PPP3R1: variants seen among roughly 807,000 people sequenced by gnomAD.
PPP3R1 encodes calcineurin subunit B type 1.
In PPP3R1, 5 loss-of-function variants were observed where a neutral mutation model predicts 22.6. That is an observed-to-expected ratio of 0.22 (90% CI 0.12 to 0.46). The LOEUF (loss-of-function observed/expected upper bound fraction) is 0.46, where lower values mean the gene tolerates loss of function less well. PPP3R1 is among the 20% of genes least tolerant of loss of function. The pLI, the probability that PPP3R1 is intolerant of heterozygous loss-of-function variation, is 0.99. For missense variants in PPP3R1, 61 were observed against 203.2 expected (o/e 0.30, Z 4.25); for synonymous variants, 56 against 65.2 (o/e 0.86, Z 0.68).
chr2:68,217,289 A>G (rs778533795), intron 1 of PPP3R1, among the ~76,000 whole-genome samples, 158 bp from the exon 2 acceptor site: 32 of 152,132 alleles, frequency 2.1e-4, no homozygotes, highest in Non-Finnish European at 4.3e-4. Context: ...AAAAAATAAG[A>G]AAACAAATGA....
intron 1 of PPP3R1, among the ~76,000 whole-genome samples, chr2:68,245,322 A>G (rs1042135570): frequency 7.2e-5 from 11 of 152,108 alleles, no homozygotes; most frequent in African/African-American, 2.7e-4. Context: ...AGATCGCACC[A>G]CCGCACTCCA....
chr2:68,179,850 T>A lies in PPP3R1; in HGVS notation c.*1113A>T, dbSNP rs1361843640. Reference sequence around the variant, plus strand: ...GTGGCATATAGATTAGCAAGATTTCTCACACTTAAACCACAAATATATGTG... The same window carrying A: ...GTGGCATATAGATTAGCAAGATTTCACACACTTAAACCACAAATATATGTG... On this transcript the variant is annotated 3_prime_UTR_variant, in exon 6 of 6. Coordinates refer to ENST00000234310, the MANE Select transcript of PPP3R1 (RefSeq NM_000945.4). 1 of 152,234 alleles carries A rather than the reference T, an allele frequency of 6.6e-6. No individual in the cohort carries two copies. Among genetic ancestry groups the A allele is most frequent in the Non-Finnish European group, 1.5e-5 (1 of 68,036 alleles). 9.4% of individuals were successfully genotyped at this position (152,234 alleles called of 1,614,324 possible).
intron 2 of PPP3R1, among the ~76,000 whole-genome samples, chr2:68,208,670 C>G (rs537861398): frequency 6.6e-6 from 1 of 152,292 alleles, no homozygotes; most frequent in South Asian, 2.1e-4. Flanking sequence ...TACAGTGGCT[C>G]ATGCCTGTAA....
Position 68,187,319 on chromosome 2 carries a change from A to AT in PPP3R1, c.221-6dup. ...GAGAGACGCCCTCAATGAATTCTGA[A>AT]TAAGAGTTAAAAATGTTCACAAATC... On this transcript the variant is annotated splice_region_variant and splice_polypyrimidine_tract_variant and intron_variant, in intron 3 of 5. Coordinates refer to ENST00000234310, the MANE Select transcript of PPP3R1 (RefSeq NM_000945.4). 1 of 1,607,264 alleles carries AT rather than the reference A, an allele frequency of 6.2e-7. No individual in the cohort carries two copies. The highest frequency in any genetic ancestry group is 8.5e-7 in the Non-Finnish European group (1 of 1,176,166).
At chr2:68,223,469 A>G (rs1051994278) in intron 1 of PPP3R1, among the ~76,000 whole-genome samples, 1 of 152,218 alleles carries the variant, frequency 6.6e-6, no homozygotes, top group Non-Finnish European at 1.5e-5. Flanking sequence ...ATCCTTAAAA[A>G]TATCTTAGCA....
intron 2 of PPP3R1, among the ~76,000 whole-genome samples, chr2:68,211,064 G>C (rs1008211302): frequency 6.6e-6 from 1 of 152,106 alleles, no homozygotes; most frequent in Non-Finnish European, 1.5e-5. Context: ...TCTACAAAGT[G>C]TGCAATAACA....
chr2:68,214,780 T>C (rs913483101), intron 2 of PPP3R1, among the ~76,000 whole-genome samples: 3 of 152,220 alleles, frequency 2.0e-5, no homozygotes, highest in South Asian at 2.1e-4. Context: ...TTACTGGGTA[T>C]ATATCCTAAT....
In PPP3R1 at chr2:68,185,229, AAAAG is replaced by A. The variant is rs972060558; in HGVS notation, c.465+1235_465+1238del. On this transcript the variant is annotated intron_variant, in intron 5 of 5. Coordinates refer to ENST00000234310, the MANE Select transcript of PPP3R1 (RefSeq NM_000945.4). ...TGAGACTCCGTTTCAAAAAAAAAAAAAAAGAAAGCTTAAAAATAAACTAAAATAA... is the reference window on the plus strand; with the variant it reads ...TGAGACTCCGTTTCAAAAAAAAAAAAAAAGCTTAAAAATAAACTAAAATAA... Among the ~76,000 whole-genome samples, 4 of 151,052 alleles carry A rather than the reference AAAAG, an allele frequency of 2.6e-5. No individual in the cohort carries two copies. In the East Asian group the frequency reaches 5.8e-4, roughly 22 times the overall value.
intron 1 of PPP3R1, among the ~76,000 whole-genome samples, chr2:68,250,686 G>C (rs747092952): frequency 3.3e-5 from 5 of 152,158 alleles, no homozygotes; most frequent in Admixed American, 6.5e-5. Context: ...GAGCTGCCTC[G>C]CAAGTTGGCA....
chr2:68,181,816 A>G (rs1013665103), intron 5 of PPP3R1, among the ~76,000 whole-genome samples: 4 of 152,170 alleles, frequency 2.6e-5, no homozygotes, highest in Non-Finnish European at 5.9e-5. Flanking sequence ...AAAAAGTACC[A>G]AGTGAATAAA....
intron 2 of PPP3R1, among the ~76,000 whole-genome samples, chr2:68,212,550 G>A (rs542577835): frequency 2.0e-5 from 3 of 152,322 alleles, no homozygotes; most frequent in South Asian, 2.1e-4. Flanking sequence ...GCATGAAAAC[G>A]TTACTCTCTA....
chr2:68,223,615 G>A (rs535126330), intron 1 of PPP3R1, among the ~76,000 whole-genome samples: 105 of 151,980 alleles, frequency 6.9e-4, no homozygotes, highest in African/African-American at 2.5e-3. Flanking sequence ...CAACCAAACA[G>A]ACGCAATAAA....
chr2:68,183,720 G>C (rs1674470849), intron 5 of PPP3R1, among the ~76,000 whole-genome samples: 1 of 152,104 alleles, frequency 6.6e-6, no homozygotes, highest in African/African-American at 2.4e-5. Flanking sequence ...TACTGGTCTT[G>C]TCTAATCTGT....
chr2:68,217,135 G>A lies in PPP3R1; in HGVS notation c.4-4C>T. 6.3e-7 allele frequency: 1 copy of A among 1,584,822 alleles called. No individual in the cohort carries two copies. The highest frequency in any genetic ancestry group is 1.1e-5 in the South Asian group (1 of 87,444). On this transcript the variant is annotated splice_polypyrimidine_tract_variant and splice_region_variant and intron_variant, in intron 1 of 5. Coordinates refer to ENST00000234310, the MANE Select transcript of PPP3R1 (RefSeq NM_000945.4). ...AAGGATAACTTGCCTCATTTCCCTG[G>A]GGGGAAAGAAAGAAATAATTAGTCA...
At chr2:68,208,588 C>T (rs1669383832) in intron 2 of PPP3R1, among the ~76,000 whole-genome samples, 1 of 152,128 alleles carries the variant, frequency 6.6e-6, no homozygotes, top group Non-Finnish European at 1.5e-5. Context: ...CATTTTATTT[C>T]ATGTTTTAAA....
chr2:68,233,633 G>GT (rs1669962285), intron 1 of PPP3R1, among the ~76,000 whole-genome samples: 1 of 151,910 alleles, frequency 6.6e-6, no homozygotes, highest in South Asian at 2.1e-4. Flanking sequence ...CCAAATCGCA[G>GT]TAATTTTTTT....
At chr2:68,197,010 G>T (rs1674791933) in intron 2 of PPP3R1, among the ~76,000 whole-genome samples, 1 of 152,120 alleles carries the variant, frequency 6.6e-6, no homozygotes, top group Admixed American at 6.5e-5. Context: ...CAGGTGTGAG[G>T]CACAACGCCT....
chr2:68,245,672 A>G (rs901905323), intron 1 of PPP3R1, among the ~76,000 whole-genome samples: 7 of 152,164 alleles, frequency 4.6e-5, no homozygotes, highest in African/African-American at 1.7e-4. Flanking sequence ...ATAACTTCAT[A>G]CTTGTAATAC....
chr2:68,233,641 T>A (rs1457941702), intron 1 of PPP3R1, among the ~76,000 whole-genome samples: 1 of 152,194 alleles, frequency 6.6e-6, no homozygotes, highest in Non-Finnish European at 1.5e-5. Flanking sequence ...CAGTAATTTT[T>A]TTTTTAAGTC....
Sources: gnomAD v4.1 joint callset for allele counts (sites outside exome capture counted in the v4.1 genomes callset) on GRCh38, gnomAD v4.1.1 for gene constraint, MANE v1.5 for transcripts, NCBI Gene and HGNC (gene_info 2026-07-23, HGNC 2026-07-21) for gene names.